KATNBL1: variants seen among roughly 807,000 people sequenced by gnomAD.
KATNBL1 encodes the protein KATNB1-like protein 1.
In KATNBL1, 28 loss-of-function variants were observed where a neutral mutation model predicts 44.7. The observed-to-expected ratio is 0.63, with a 90% CI of 0.46 to 0.86. KATNBL1 has a LOEUF of 0.86. KATNBL1 is among the 40% of genes least tolerant of loss of function. The pLI is 0.00. For synonymous variants in KATNBL1, 78 were observed against 114.9 expected (o/e 0.68, Z 2.06); for missense variants, 272 against 350.7 (o/e 0.78, Z 1.79).
intron 1 of KATNBL1, among the ~76,000 whole-genome samples, chr15:34,178,196 A>AT (rs1194652597): frequency 1.3e-5 from 2 of 152,332 alleles, no homozygotes; most frequent in Admixed American, 6.5e-5. Context: ...TGGAATAAAC[A>AT]TTTTCAATCC....
chr15:34,205,494 T>G (rs998056860), intron 1 of KATNBL1, among the ~76,000 whole-genome samples: 1 of 152,172 alleles, frequency 6.6e-6, no homozygotes, highest in African/African-American at 2.4e-5. Context: ...CACTTAAGTA[T>G]GTGGTGATGG....
chr15:34,147,873 A>AT (rs950072912), intron 5 of KATNBL1, among the ~76,000 whole-genome samples: 69 of 150,670 alleles, frequency 4.6e-4, no homozygotes, highest in African/African-American at 1.1e-3. Context: ...ATTTTTAGTA[A>AT]TTTTTTTTTT....
chr15:34,175,227 G>A (rs1889294097), intron 1 of KATNBL1, among the ~76,000 whole-genome samples: 1 of 151,802 alleles, frequency 6.6e-6, no homozygotes, highest in African/African-American at 2.4e-5. Flanking sequence ...CTTGGAAGCA[G>A]AAGTGTTTTG....
At chr15:34,187,703 A>T (rs903019041) in intron 1 of KATNBL1, among the ~76,000 whole-genome samples, 1 of 152,144 alleles carries the variant, frequency 6.6e-6, no homozygotes, top group Non-Finnish European at 1.5e-5. Flanking sequence ...CTCTCCTAAA[A>T]TGGTTTTGTT....
In KATNBL1 at chr15:34,145,183, C is replaced by A. The variant is rs983318288; in HGVS notation, c.882+215G>T. 5.2e-6 allele frequency: 7 copies of A among 1,354,150 alleles called. No individual in the cohort carries two copies. In the African/African-American group the frequency reaches 8.8e-5, roughly 17 times the overall value. The allele number at this position is 1,354,150 out of a possible 1,614,324, so 83.9% of individuals were successfully genotyped here. A position where few individuals can be genotyped will look rare whatever the true frequency, so the allele number is the denominator to read the frequency against. On this transcript the variant is annotated intron_variant, in intron 9 of 9. Coordinates refer to ENST00000256544, the MANE Select transcript of KATNBL1 (RefSeq NM_024713.3). ...ATCCTCTAGCATAGCATTTCAGGGG[C>A]TGTACATGAAACATGTTCAATGGCC... is the stretch of plus-strand genomic sequence containing the variant.
chr15:34,175,156 A>ACACACACG (rs1258964208), intron 1 of KATNBL1, among the ~76,000 whole-genome samples: 3 of 143,946 alleles, frequency 2.1e-5, no homozygotes, highest in Admixed American at 7.0e-5. Context: ...ACACACACAC[A>ACACACACG]CGCATATATA....
intron 1 of KATNBL1, among the ~76,000 whole-genome samples, chr15:34,169,838 C>G (rs1013655286): frequency 2.6e-5 from 4 of 152,196 alleles, no homozygotes; most frequent in African/African-American, 9.7e-5. Context: ...CAACAAAAAC[C>G]ACATGATTAT....
chr15:34,188,538 A>G (rs1224238615), intron 1 of KATNBL1, among the ~76,000 whole-genome samples: 1 of 152,230 alleles, frequency 6.6e-6, no homozygotes, highest in Non-Finnish European at 1.5e-5. Context: ...GTTGGGCAAC[A>G]GAGCAAGATT....
intron 5 of KATNBL1, among the ~76,000 whole-genome samples, chr15:34,147,817 G>T (rs1294153891): frequency 1.3e-5 from 2 of 151,978 alleles, no homozygotes; most frequent in Admixed American, 1.3e-4. Context: ...ATACAATGAG[G>T]AAAGTAATGC....
intron 4 of KATNBL1, among the ~76,000 whole-genome samples, chr15:34,149,782 C>T (rs1888413713): frequency 1.3e-5 from 2 of 152,142 alleles, no homozygotes; most frequent in South Asian, 2.1e-4. Flanking sequence ...GCCTACAGTC[C>T]CAGCTACTTG....
At chr15:34,163,494 C>A (rs1888870554) in intron 2 of KATNBL1, 66 bp downstream of exon 2, 1 of 1,530,096 alleles carries the variant, frequency 6.5e-7, no homozygotes. Context: ...AACAATTCAA[C>A]CAGAGATATC....
intron 9 of KATNBL1, among the ~76,000 whole-genome samples, chr15:34,143,923 C>T (rs1260075191): frequency 8.0e-5 from 11 of 136,728 alleles, no homozygotes; most frequent in Admixed American, 2.3e-4. Context: ...GCCGAGATTG[C>T]GCCACCACAC....
At chr15:34,181,581 TACATATATATAC>T (rs1447382788) in intron 1 of KATNBL1, among the ~76,000 whole-genome samples, 19 of 137,856 alleles carry the variant, frequency 1.4e-4, no homozygotes, top group African/African-American at 4.7e-4. Flanking sequence ...TCCATATATA[TACATATATATAC>T]ACATATATAT....
chr15:34,181,976 C>A (rs1957694440), intron 1 of KATNBL1, among the ~76,000 whole-genome samples: 1 of 149,606 alleles, frequency 6.7e-6, no homozygotes, highest in African/African-American at 2.5e-5. Flanking sequence ...TAGACTTTAT[C>A]AAAAATTTAC....
At chr15:34,198,849 T>C (rs142595306) in intron 1 of KATNBL1, among the ~76,000 whole-genome samples, 1 of 152,340 alleles carries the variant, frequency 6.6e-6, no homozygotes, top group East Asian at 1.9e-4. Flanking sequence ...AACTGTACTT[T>C]TTATAAAATA....
At chr15:34,181,655 C>CAT (rs1202192333) in intron 1 of KATNBL1, among the ~76,000 whole-genome samples, 1 of 94,474 alleles carries the variant, frequency 1.1e-5, no homozygotes, top group Non-Finnish European at 2.1e-5. Flanking sequence ...TATATATGTC[C>CAT]ATATATATAT....
chr15:34,184,726 C>T (rs1466176218), intron 1 of KATNBL1, among the ~76,000 whole-genome samples: 1 of 151,456 alleles, frequency 6.6e-6, no homozygotes, highest in African/African-American at 2.4e-5. Context: ...GCGCCCGCCA[C>T]CATGCCCGGC....
At chr15:34,146,704 CA>C (rs1232499379) in intron 8 of KATNBL1, 56 bp downstream of exon 8, 4 of 960,712 alleles carry the variant, frequency 4.2e-6, no homozygotes, top group Non-Finnish European at 6.8e-6. Flanking sequence ...CTAGTTTAAT[CA>C]AGCTGCTTTC....
intron 1 of KATNBL1, among the ~76,000 whole-genome samples, chr15:34,167,653 C>G (rs1486110545): frequency 6.6e-6 from 1 of 152,046 alleles, no homozygotes; most frequent in African/African-American, 2.4e-5. Flanking sequence ...GTCAGACTCA[C>G]TAAGGTTGAA....
Sources: allele counts gnomAD v4.1 joint callset (sites outside exome capture counted in the v4.1 genomes callset), GRCh38; gene constraint gnomAD v4.1.1; transcripts MANE v1.5; gene names NCBI Gene and HGNC (gene_info 2026-07-23, HGNC 2026-07-21).